GPHN: variants seen among roughly 807,000 people sequenced by gnomAD.
The protein encoded by GPHN is gephyrin.
GPHN carries 17 observed loss-of-function variants against 95.5 expected under a neutral mutation model. That is an observed-to-expected ratio of 0.18 (90% CI 0.12 to 0.27). GPHN has a LOEUF of 0.27. Ranked by LOEUF, GPHN falls within the 10% of genes least tolerant of loss-of-function variation. The pLI, the probability that GPHN is intolerant of heterozygous loss-of-function variation, is 1.00. For synonymous variants in GPHN, 320 were observed against 322.5 expected, an observed-to-expected ratio of 0.99 and a Z score of 0.08; for missense variants, 660 against 978.1, an observed-to-expected ratio of 0.67 and a Z score of 4.34.
chr14:66,640,959 T>A (rs566081277), intron 1 of GPHN, among the ~76,000 whole-genome samples: 7 of 152,168 alleles, frequency 4.6e-5, no homozygotes, highest in Non-Finnish European at 1.0e-4. Context: ...TCACTAAGCT[T>A]GTCAGGCTGT....
intron 17 of GPHN, 128 bp downstream of exon 17, chr14:67,122,505 CA>C: frequency 1.3e-6 from 1 of 776,524 alleles, no homozygotes; most frequent in African/African-American, 1.7e-5. Flanking sequence ...TCTCATTCTT[CA>C]GAAGCCAAAG....
At chr14:66,607,359 G>T (rs997313343) in intron 1 of GPHN, among the ~76,000 whole-genome samples, 4 of 151,708 alleles carry the variant, frequency 2.6e-5, no homozygotes, top group Non-Finnish European at 4.4e-5. Flanking sequence ...ATGTGCTGCT[G>T]GATTCATTTC....
chr14:66,602,596 A>G (rs1277382515), intron 1 of GPHN, among the ~76,000 whole-genome samples: 1 of 152,126 alleles, frequency 6.6e-6, no homozygotes, highest in Non-Finnish European at 1.5e-5. Context: ...GATCTTCATA[A>G]AATCTGAAGT....
chr14:67,539,303 C>T, the GPHN span, among the ~76,000 whole-genome samples: 7 of 152,280 alleles, frequency 4.6e-5, no homozygotes, highest in East Asian at 1.9e-4. Context: ...TCTTCCTGCC[C>T]GTTCCAGTTG....
chr14:67,570,524 C>T, the GPHN span: 1 of 156,590 alleles, frequency 6.4e-6, no homozygotes, highest in Non-Finnish European at 1.4e-5. Flanking sequence ...TCGCTTTTCC[C>T]TAATTCCTAA....
chr14:66,655,638 A>G (rs995688786), intron 1 of GPHN, among the ~76,000 whole-genome samples: 1 of 152,008 alleles, frequency 6.6e-6, no homozygotes, highest in Non-Finnish European at 1.5e-5. Context: ...ACTTCATTGA[A>G]TAAGAGTAGT....
Position 66,643,848 on chromosome 14 carries a change from T to G in GPHN, c.65-37259T>G, listed in dbSNP as rs1032793977. ...TTCACTCTTTTTATTCTTTTTCTTA[T>G]GTAGATAATAACTATAGTTAATTCA... On this transcript the variant is annotated intron_variant, in intron 1 of 22. Coordinates refer to ENST00000478722, the MANE Select transcript of GPHN (RefSeq NM_020806.5). Among the ~76,000 whole-genome samples, 4 of 151,980 alleles carry G rather than the reference T, an allele frequency of 2.6e-5. No individual in the cohort carries two copies. In the East Asian group the frequency reaches 7.7e-4, roughly 29 times the overall value.
At chr14:66,888,219 A>G (rs1055044090) in intron 5 of GPHN, among the ~76,000 whole-genome samples, 1 of 152,078 alleles carries the variant, frequency 6.6e-6, no homozygotes, top group African/African-American at 2.4e-5. Flanking sequence ...AATTTCCCCA[A>G]ATTAATGTCA....
intron 2 of GPHN, among the ~76,000 whole-genome samples, chr14:66,723,974 G>C (rs1370240110): frequency 1.4e-5 from 2 of 139,356 alleles, no homozygotes; most frequent in African/African-American, 5.8e-5. Context: ...ACAAATCTAT[G>C]TCATGCATAC....
rs528991201 is a variant in GPHN at position 67,067,529 on chromosome 14, C to G, written c.1144+8743C>G. ...TTTAAGTCTGCAGAATTTTCTCCTGCCTTTTGTTCAGCTATGCCCTGCCCA... is the reference window on the plus strand; with the variant it reads ...TTTAAGTCTGCAGAATTTTCTCCTGGCTTTTGTTCAGCTATGCCCTGCCCA... On this transcript the variant is annotated intron_variant, in intron 11 of 22. Coordinates refer to ENST00000478722, the MANE Select transcript of GPHN (RefSeq NM_020806.5). Among the ~76,000 whole-genome samples, 4 of 152,330 alleles carry G rather than the reference C, an allele frequency of 2.6e-5. No homozygotes were observed. In the East Asian group the frequency reaches 7.7e-4, roughly 29 times the overall value.
chr14:66,667,640 C>G (rs1032983092), intron 1 of GPHN, among the ~76,000 whole-genome samples: 7 of 152,172 alleles, frequency 4.6e-5, no homozygotes, highest in Admixed American at 1.3e-4. Flanking sequence ...ACACCATACA[C>G]AAGAATTAAT....
At chr14:67,438,527 G>A in the GPHN span, among the ~76,000 whole-genome samples, 2 of 152,142 alleles carry the variant, frequency 1.3e-5, no homozygotes, top group Non-Finnish European at 2.9e-5. Flanking sequence ...CTGTGAAACA[G>A]GAATAATAAC....
chr14:66,530,495 G>GA (rs34101170), intron 1 of GPHN, among the ~76,000 whole-genome samples: 85 of 149,506 alleles, frequency 5.7e-4, no homozygotes, highest in Middle Eastern at 3.4e-3. Flanking sequence ...ACTGGGGTAT[G>GA]AAAAAAAAAC....
chr14:66,659,215 T>C (rs1402508215), intron 1 of GPHN, among the ~76,000 whole-genome samples: 2 of 151,976 alleles, frequency 1.3e-5, no homozygotes, highest in Non-Finnish European at 2.9e-5. Flanking sequence ...GTGCTTTTTG[T>C]TTCATGGATT....
the GPHN span, chr14:67,590,010 G>A: frequency 6.7e-7 from 1 of 1,486,464 alleles, no homozygotes; most frequent in South Asian, 1.3e-5. Flanking sequence ...TTGGAGTACG[G>A]AAAACCAGCC....
intron 19 of GPHN, among the ~76,000 whole-genome samples, chr14:67,162,325 A>G (rs2082025096): frequency 6.6e-6 from 1 of 152,256 alleles, no homozygotes; most frequent in Non-Finnish European, 1.5e-5. Context: ...AAAATAAAGT[A>G]GTTTTGAAGT....
chr14:66,822,438 A>G (rs2061234838), intron 3 of GPHN, among the ~76,000 whole-genome samples: 1 of 152,226 alleles, frequency 6.6e-6, no homozygotes, highest in Admixed American at 6.5e-5. Flanking sequence ...GTGAGACCCA[A>G]GTATTTTTTA....
intron 9 of GPHN, among the ~76,000 whole-genome samples, chr14:66,977,651 A>G (rs972447108): frequency 6.6e-6 from 1 of 152,196 alleles, no homozygotes; most frequent in Non-Finnish European, 1.5e-5. Flanking sequence ...TCATCTCATT[A>G]AGAATATTTA....
At chr14:66,742,093 CAA>C (rs1183352836) in intron 2 of GPHN, among the ~76,000 whole-genome samples, 1 of 152,144 alleles carries the variant, frequency 6.6e-6, no homozygotes, top group African/African-American at 2.4e-5. Context: ...CTAAAAATGT[CAA>C]AACACTCTAA....
Sources: allele counts gnomAD v4.1 joint callset (sites outside exome capture counted in the v4.1 genomes callset), GRCh38; gene constraint gnomAD v4.1.1; transcripts MANE v1.5; gene names NCBI Gene and HGNC (gene_info 2026-07-23, HGNC 2026-07-21).